CACNA1D: variants seen among roughly 807,000 people sequenced by gnomAD.
CACNA1D encodes voltage-dependent L-type calcium channel subunit alpha-1D.
In CACNA1D, 55 loss-of-function variants were observed where a neutral mutation model predicts 257.1. The ratio of observed to expected loss-of-function variants is 0.21; its 90% confidence interval spans 0.17 to 0.27. The LOEUF is 0.27. Ranked by LOEUF, CACNA1D falls within the 10% of genes least tolerant of loss-of-function variation. The probability of loss-of-function intolerance (pLI) is 1.00; values close to 1 mark genes in which losing one functional copy is unlikely to be tolerated. For synonymous variants in CACNA1D, 980 were observed against 1,014.9 expected, an observed-to-expected ratio of 0.97 and a Z score of 0.65; for missense variants, 1,876 against 2,784.0, an observed-to-expected ratio of 0.67 and a Z score of 7.34.
intron 29 of CACNA1D, among the ~76,000 whole-genome samples, chr3:53,756,100 G>A (rs2095263253): frequency 6.6e-6 from 1 of 152,216 alleles, no homozygotes; most frequent in Admixed American, 6.5e-5. Flanking sequence ...ATCTCTGTTA[G>A]GGGACACAGG....
intron 3 of CACNA1D, among the ~76,000 whole-genome samples, chr3:53,516,839 G>A (rs1382662156): frequency 1.3e-5 from 2 of 152,216 alleles, no homozygotes; most frequent in African/African-American, 2.4e-5. Context: ...AAGCTAGGAG[G>A]CGTTAACTTA....
At chr3:53,591,032 C>A (rs1368355061) in intron 3 of CACNA1D, among the ~76,000 whole-genome samples, 1 of 152,106 alleles carries the variant, frequency 6.6e-6, no homozygotes, top group Non-Finnish European at 1.5e-5. Flanking sequence ...GATTCCAAAC[C>A]CTTTCCTCCT....
At chr3:53,736,617 C>T (rs1197337555) in intron 20 of CACNA1D, among the ~76,000 whole-genome samples, 3 of 152,050 alleles carry the variant, frequency 2.0e-5, no homozygotes, top group Non-Finnish European at 2.9e-5. Context: ...ATTGGCTGGG[C>T]GTGGTGGCTT....
Position 53,776,843 on chromosome 3 carries a change from T to C in CACNA1D, c.4491-17T>C, listed in dbSNP as rs1040617323. The C allele has an allele frequency of 2.5e-6, 4 of 1,613,442 alleles. No homozygotes were observed. The highest frequency in any genetic ancestry group is 2.5e-6 in the Non-Finnish European group (3 of 1,179,522). On this transcript the variant is annotated splice_polypyrimidine_tract_variant and intron_variant, in intron 36 of 47. Coordinates refer to ENST00000350061, the MANE Select transcript of CACNA1D (RefSeq NM_001128840.3). ...GCTGGTACTGTTCCTGGACCTTAGA[T>C]TGTATTTTACTTCCAGGGGAAGGAT...
intron 5 of CACNA1D, among the ~76,000 whole-genome samples, chr3:53,663,797 C>CTCTCTCTCT (rs1553627327): frequency 2.0e-5 from 3 of 151,492 alleles, no homozygotes; most frequent in African/African-American, 7.3e-5. Context: ...CTCTCTCTCT[C>CTCTCTCTCT]TTTTTTTTGG....
chr3:53,510,255 T>C (rs13318171), intron 3 of CACNA1D, among the ~76,000 whole-genome samples: 4,740 of 152,334 alleles, frequency 0.031, 235 homozygotes, highest in African/African-American at 0.11. Flanking sequence ...TGTACGTATG[T>C]ATATATCACC....
intron 18 of CACNA1D, 78 bp downstream of exon 18, chr3:53,732,160 G>C: frequency 8.7e-7 from 1 of 1,143,410 alleles, no homozygotes; most frequent in Non-Finnish European, 1.3e-6. Context: ...CCGAGTCTGC[G>C]GCCAGCCAGC....
At chr3:53,540,705 GC>G (rs1331107449) in intron 3 of CACNA1D, among the ~76,000 whole-genome samples, 2 of 151,936 alleles carry the variant, frequency 1.3e-5, no homozygotes, top group Non-Finnish European at 2.9e-5. Context: ...TTATCCATAT[GC>G]CAGTCGGCTT....
chr3:53,550,188 C>T (rs544493021), intron 3 of CACNA1D, among the ~76,000 whole-genome samples: 2 of 152,208 alleles, frequency 1.3e-5, no homozygotes, highest in Admixed American at 6.5e-5. Flanking sequence ...GACCAGGGCA[C>T]GTGGGAGCAG....
intron 34 of CACNA1D, 40 bp from the exon 35 acceptor site, chr3:53,775,845 CT>C (rs1176498813): frequency 6.2e-7 from 1 of 1,604,048 alleles, no homozygotes; most frequent in Non-Finnish European, 8.5e-7. Context: ...CAAATTCCTT[CT>C]TTCCCCCACT....
intron 14 of CACNA1D, among the ~76,000 whole-genome samples, chr3:53,724,856 G>A (rs911750369): frequency 5.3e-5 from 8 of 152,170 alleles, no homozygotes; most frequent in African/African-American, 1.9e-4. Flanking sequence ...CAAAGGGAAT[G>A]ATCTGGACAA....
At chr3:53,748,234 C>A (rs565613569) in intron 26 of CACNA1D, among the ~76,000 whole-genome samples, 1 of 152,330 alleles carries the variant, frequency 6.6e-6, no homozygotes, top group African/African-American at 2.4e-5. Flanking sequence ...GGAGCTCCCA[C>A]CCCCAGCTCC....
rs138703469 is a variant in CACNA1D at position 53,655,356 on chromosome 3, T to G, written c.623+4438T>G. ...CCAGTAATGGGATTTCTGGGTCAAG[T>G]GGTAGTTCTGTTGTTAGCTCTTTGA... On this transcript the variant is annotated intron_variant, in intron 4 of 47. Coordinates refer to ENST00000350061, the MANE Select transcript of CACNA1D (RefSeq NM_001128840.3). Among the ~76,000 whole-genome samples, 23 of 152,276 alleles carry G rather than the reference T, an allele frequency of 1.5e-4. No individual in the cohort carries two copies. In the East Asian group the frequency reaches 4.4e-3, roughly 29 times the overall value.
chr3:53,661,737 A>G (rs910054039), intron 5 of CACNA1D, among the ~76,000 whole-genome samples: 3 of 152,184 alleles, frequency 2.0e-5, no homozygotes, highest in Non-Finnish European at 4.4e-5. Context: ...GAACTCACAT[A>G]GCATTGTGTC....
intron 8 of CACNA1D, among the ~76,000 whole-genome samples, chr3:53,682,002 G>A (rs190951512): frequency 1.3e-5 from 2 of 152,282 alleles, no homozygotes; most frequent in East Asian, 3.9e-4. Flanking sequence ...TGAAAGGAAA[G>A]AGACTGGCCG....
chr3:53,712,106 G>C (rs1486877674), intron 9 of CACNA1D, among the ~76,000 whole-genome samples: 2 of 152,218 alleles, frequency 1.3e-5, no homozygotes, highest in African/African-American at 4.8e-5. Context: ...AATGATTTCT[G>C]TCCCCAGAAA....
At position 53,749,236 on chromosome 3, in the gene CACNA1D, G is replaced by A. The variant is rs769287281; in HGVS notation, c.3315-32G>A. 5.2e-6 allele frequency: 8 copies of A among 1,532,172 alleles called. No homozygotes were observed. The Admixed American group carries it at 1.4e-4, about 26-fold the overall frequency. 94.9% of individuals were successfully genotyped at this position (1,532,172 alleles called of 1,614,324 possible). ...CTGGGCCGTGTGGGCTGGGGGGCTT[G>A]GCAGGTCCTCACTTGGTTTTTCTCT... On this transcript the variant is annotated intron_variant, in intron 26 of 47. Transcript: ENST00000350061.
At chr3:53,706,739 A>G (rs1270170651) in intron 9 of CACNA1D, among the ~76,000 whole-genome samples, 1 of 152,122 alleles carries the variant, frequency 6.6e-6, no homozygotes, top group South Asian at 2.1e-4. Flanking sequence ...CATTATACCC[A>G]GTAAGTAATT....
At position 53,563,939 on chromosome 3, in the gene CACNA1D, T is replaced by G. The variant is rs78616281; in HGVS notation, c.483+62219T>G. ...ATTGTGGGTACATCTTCAGCTTTAT[T>G]GGATGATGCCTAGTTGTTTTCCAAG... On this transcript the variant is annotated intron_variant, in intron 3 of 47. Transcript: ENST00000350061. Among the ~76,000 whole-genome samples, 1,310 of 152,332 alleles carry G rather than the reference T, an allele frequency of 8.6e-3. 93 individuals are homozygous for G. The South Asian group carries it at 0.16, about 19-fold the overall frequency.
Sources: allele counts gnomAD v4.1 joint callset (sites outside exome capture counted in the v4.1 genomes callset), GRCh38; gene constraint gnomAD v4.1.1; transcripts MANE v1.5; gene names NCBI Gene and HGNC (gene_info 2026-07-23, HGNC 2026-07-21).